TMEM229B: variants seen among roughly 807,000 people sequenced by gnomAD.
The protein encoded by TMEM229B is chromosome 14 open reading frame 83.
TMEM229B carries 6 observed loss-of-function variants against 13.7 expected under a neutral mutation model. The observed-to-expected ratio is 0.44, with a 90% CI of 0.24 to 0.86. TMEM229B has a LOEUF of 0.86. Among genes scored for constraint, TMEM229B ranks in the 40% least tolerant of loss-of-function variants. The pLI, the probability that TMEM229B is intolerant of heterozygous loss-of-function variation, is 0.23. For synonymous variants in TMEM229B, 107 were observed against 102.1 expected (o/e 1.05, Z -0.29); for missense variants, 170 against 236.0 (o/e 0.72, Z 1.83).
intron 2 of TMEM229B, among the ~76,000 whole-genome samples, chr14:67,482,560 G>T (rs895558314): frequency 3.2e-4 from 49 of 152,290 alleles, no homozygotes; most frequent in African/African-American, 1.2e-3. Context: ...ATGTTCTGGG[G>T]AGACCCACAG....
chr14:67,478,311 G>A (rs553138544), intron 2 of TMEM229B, among the ~76,000 whole-genome samples: 26 of 152,304 alleles, frequency 1.7e-4, no homozygotes, highest in African/African-American at 5.8e-4. Context: ...CTGGCCAAGG[G>A]AAAGCCACCA....
At chr14:67,491,119 G>A (rs2032151429), upstream of TMEM229B, among the ~76,000 whole-genome samples, 1 of 152,156 alleles carries the variant, frequency 6.6e-6, no homozygotes, top group African/African-American at 2.4e-5. Flanking sequence ...GGGTTCCCAT[G>A]ACCGCCTCCT....
At chr14:67,526,869 G>C (rs1489909962) in intron 1 of TMEM229B, among the ~76,000 whole-genome samples, 3 of 152,074 alleles carry the variant, frequency 2.0e-5, no homozygotes, top group Non-Finnish European at 4.4e-5. Context: ...TTACAAAGAG[G>C]GGAGGGCAAA....
chr14:67,508,766 A>AAAAAAAAAAAAAAAAC, intron 1 of TMEM229B, among the ~76,000 whole-genome samples: 1 of 150,780 alleles, frequency 6.6e-6, no homozygotes, highest in Admixed American at 6.6e-5. Flanking sequence ...AAAAAAAAAA[A>AAAAAAAAAAAAAAAAC]AAAAACAGAA....
upstream of TMEM229B, among the ~76,000 whole-genome samples, chr14:67,519,043 G>T (rs1461806315): frequency 6.6e-6 from 1 of 152,186 alleles, no homozygotes; most frequent in Non-Finnish European, 1.5e-5. Flanking sequence ...AACAAGCTGG[G>T]TAGGAAAGAA....
intron 2 of TMEM229B, among the ~76,000 whole-genome samples, chr14:67,474,946 C>T (rs1174786389): frequency 2.2e-5 from 3 of 133,684 alleles, no homozygotes; most frequent in Admixed American, 8.1e-5. Context: ...GACGGAGTCT[C>T]GCTCTGTCGT....
intron 2 of TMEM229B, among the ~76,000 whole-genome samples, chr14:67,476,316 G>A (rs1477384400): frequency 6.6e-6 from 1 of 152,254 alleles, no homozygotes; most frequent in Non-Finnish European, 1.5e-5. Flanking sequence ...GCTGGGCGCA[G>A]TGGCTCACAC....
chr14:67,484,092 C>T (rs561416451), intron 2 of TMEM229B, among the ~76,000 whole-genome samples: 1 of 152,310 alleles, frequency 6.6e-6, no homozygotes, highest in African/African-American at 2.4e-5. Flanking sequence ...ACTTTTGATC[C>T]CCAGTCCAAA....
At chr14:67,512,012 C>T (rs1172554349) in intron 1 of TMEM229B, among the ~76,000 whole-genome samples, 2 of 152,228 alleles carry the variant, frequency 1.3e-5, no homozygotes, top group Admixed American at 6.5e-5. Flanking sequence ...GGCAAATATA[C>T]GTCTTGAACC....
At chr14:67,522,331 T>C (rs2033304219) in intron 1 of TMEM229B, among the ~76,000 whole-genome samples, 1 of 152,238 alleles carries the variant, frequency 6.6e-6, no homozygotes, top group Non-Finnish European at 1.5e-5. Context: ...AAAGAATTTC[T>C]GCCCTGGAGA....
At chr14:67,498,824 C>G (rs1005754248) in intron 1 of TMEM229B, among the ~76,000 whole-genome samples, 12 of 151,928 alleles carry the variant, frequency 7.9e-5, no homozygotes, top group Non-Finnish European at 1.8e-4. Flanking sequence ...CACCACCATG[C>G]CTGATTAATT....
At chr14:67,515,396 GA>G in exon 1 of TMEM229B, 2 of 178,272 alleles carry the variant, frequency 1.1e-5, no homozygotes, top group Non-Finnish European at 2.2e-5. Context: ...TGCCCGGGAG[GA>G]AAGGAGCCCC....
rs191796667 is a variant in TMEM229B, at chr14:67,502,886, A to G, written c.-192+12200T>C. On this transcript the variant is annotated intron_variant, in intron 1 of 2. Transcript: ENST00000357461. ...CTTGTACAGGGTCCTGAAATGTATT[A>G]AGATTTACAAAACAAAGTTCCAGCC... Among the ~76,000 whole-genome samples the G allele has an allele frequency of 7.0e-3, 1,069 of 152,332 alleles. 20 individuals are homozygous for G. The highest frequency in any genetic ancestry group is 6.9e-3 in the Non-Finnish European group (467 of 68,024).
chr14:67,517,287 C>T (rs538254519), upstream of TMEM229B, among the ~76,000 whole-genome samples: 1 of 152,198 alleles, frequency 6.6e-6, no homozygotes, highest in Non-Finnish European at 1.5e-5. Flanking sequence ...TGGCTCTCCC[C>T]CAGGCTCTGG....
At chr14:67,512,642 C>T (rs1027050549) in intron 1 of TMEM229B, among the ~76,000 whole-genome samples, 9 of 152,088 alleles carry the variant, frequency 5.9e-5, no homozygotes, top group African/African-American at 2.2e-4. Context: ...ATACAGTTGC[C>T]GATAAGACCA....
At chr14:67,500,431 C>A (rs150624872) in intron 1 of TMEM229B, among the ~76,000 whole-genome samples, 23 of 152,174 alleles carry the variant, frequency 1.5e-4, no homozygotes, top group African/African-American at 5.1e-4. Context: ...GCTGAGCTCT[C>A]ACCATTGCAC....
At chr14:67,496,153 T>C (rs2032355605) in intron 1 of TMEM229B, among the ~76,000 whole-genome samples, 1 of 152,240 alleles carries the variant, frequency 6.6e-6, no homozygotes, top group African/African-American at 2.4e-5. Flanking sequence ...GGTGCCACTG[T>C]ACTCCAGCCT....
chr14:67,499,882 C>T (rs10873201), intron 1 of TMEM229B, among the ~76,000 whole-genome samples: 58,770 of 151,682 alleles, frequency 0.39, 12,949 homozygotes, highest in South Asian at 0.52. Context: ...GACGGGATAG[C>T]TTATTCATCC....
chr14:67,486,662 G>A (rs1015713510), intron 2 of TMEM229B, among the ~76,000 whole-genome samples: 3 of 152,062 alleles, frequency 2.0e-5, no homozygotes, highest in African/African-American at 7.2e-5. Context: ...GCTTCCCCTT[G>A]CCTTCCACCA....
Sources: gnomAD v4.1 joint callset for allele counts (sites outside exome capture counted in the v4.1 genomes callset) on GRCh38, gnomAD v4.1.1 for gene constraint, MANE v1.5 for transcripts, NCBI Gene and HGNC (gene_info 2026-07-23, HGNC 2026-07-21) for gene names.